Variants in PHF21A observed in about 807,000 individuals in gnomAD.
PHF21A encodes PHD finger protein 21A.
Under a neutral mutation model 82.5 loss-of-function variants are expected in PHF21A, and 11 were observed. The observed-to-expected ratio is 0.13, with a 90% CI of 0.08 to 0.22. The LOEUF (loss-of-function observed/expected upper bound fraction) is 0.22, where lower values mean the gene tolerates loss of function less well. PHF21A is among the 10% of genes least tolerant of loss of function. The pLI is 1.00. For synonymous variants in PHF21A, 297 were observed against 302.8 expected, an observed-to-expected ratio of 0.98 and a Z score of 0.20; for missense variants, 579 against 837.8, an observed-to-expected ratio of 0.69 and a Z score of 3.81.
At chr11:46,031,571 C>T (rs947108295) in intron 6 of PHF21A, among the ~76,000 whole-genome samples, 3 of 152,138 alleles carry the variant, frequency 2.0e-5, no homozygotes, top group Non-Finnish European at 2.9e-5. Flanking sequence ...CGAATTCATT[C>T]TTTTTCTTAA....
chr11:46,073,476 G>A (rs1172936904), intron 6 of PHF21A, among the ~76,000 whole-genome samples: 1 of 151,988 alleles, frequency 6.6e-6, no homozygotes, highest in East Asian at 1.9e-4. Flanking sequence ...CTTATTTCTT[G>A]TCTATTTCTG....
At chr11:46,053,904 C>T (rs1368556928) in intron 6 of PHF21A, among the ~76,000 whole-genome samples, 3 of 152,158 alleles carry the variant, frequency 2.0e-5, no homozygotes, top group Non-Finnish European at 4.4e-5. Flanking sequence ...ATTACAACCC[C>T]TCCAATGAGA....
At chr11:46,022,410 C>A (rs564825395) in intron 6 of PHF21A, among the ~76,000 whole-genome samples, 4 of 152,226 alleles carry the variant, frequency 2.6e-5, no homozygotes, top group African/African-American at 9.6e-5. Context: ...AGCTGTGATC[C>A]CATCACTGCA....
intron 6 of PHF21A, among the ~76,000 whole-genome samples, chr11:46,070,050 T>C (rs1430173396): frequency 6.6e-6 from 1 of 152,174 alleles, no homozygotes; most frequent in Non-Finnish European, 1.5e-5. Context: ...AACAAGTCTA[T>C]TACAGAGTCA....
At chr11:45,949,133 C>G (rs2091749717) in intron 13 of PHF21A, among the ~76,000 whole-genome samples, 187 bp from the exon 14 acceptor site, 1 of 152,164 alleles carries the variant, frequency 6.6e-6, no homozygotes, top group African/African-American at 2.4e-5. Context: ...CTCAGAGAAG[C>G]CTGCCTCTGT....
At chr11:46,095,529 T>C (rs905462633) in intron 1 of PHF21A, among the ~76,000 whole-genome samples, 2 of 152,182 alleles carry the variant, frequency 1.3e-5, no homozygotes, top group African/African-American at 4.8e-5. Flanking sequence ...GCTAATATAA[T>C]GTCATACAAT....
At chr11:45,984,772 T>C (rs1354959759) in intron 6 of PHF21A, among the ~76,000 whole-genome samples, 1 of 152,198 alleles carries the variant, frequency 6.6e-6, no homozygotes, top group Admixed American at 6.5e-5. Flanking sequence ...CAACTGGATG[T>C]CAGTGCTGCA....
At chr11:46,066,091 TA>T (rs1228125400) in intron 6 of PHF21A, among the ~76,000 whole-genome samples, 1 of 152,202 alleles carries the variant, frequency 6.6e-6, no homozygotes, top group Non-Finnish European at 1.5e-5. Flanking sequence ...TATAGTCTCA[TA>T]AACATGTTGA....
chr11:46,033,538 A>G (rs1363115813), intron 6 of PHF21A, among the ~76,000 whole-genome samples: 1 of 152,208 alleles, frequency 6.6e-6, no homozygotes, highest in Non-Finnish European at 1.5e-5. Context: ...TGTTGGGATT[A>G]CAGGTGTGAG....
intron 17 of PHF21A, among the ~76,000 whole-genome samples, chr11:45,936,224 G>A (rs1025642173): frequency 1.3e-5 from 2 of 152,144 alleles, no homozygotes; most frequent in Non-Finnish European, 2.9e-5. Context: ...GCTGCAGTGG[G>A]CTGTGATCAT....
chr11:45,977,191 G>A (rs967186395), intron 7 of PHF21A, among the ~76,000 whole-genome samples: 4 of 148,962 alleles, frequency 2.7e-5, no homozygotes, highest in African/African-American at 1.0e-4. Context: ...CCAGCATGGA[G>A]TGCAGTACGA....
intron 10 of PHF21A, among the ~76,000 whole-genome samples, chr11:45,961,592 T>C (rs898444450): frequency 2.0e-5 from 3 of 152,298 alleles, no homozygotes; most frequent in African/African-American, 7.2e-5. Context: ...GCAATTTTTT[T>C]CCCCACAGAA....
intron 8 of PHF21A, 187 bp from the exon 9 acceptor site, chr11:45,970,091 A>G (rs1019927716): frequency 4.3e-5 from 24 of 557,554 alleles, no homozygotes; most frequent in South Asian, 2.5e-4. Context: ...GCTTTACCCT[A>G]TAAAATGAAC....
chr11:46,033,149 C>A (rs1206992029), intron 6 of PHF21A, among the ~76,000 whole-genome samples: 1 of 152,128 alleles, frequency 6.6e-6, no homozygotes, highest in African/African-American at 2.4e-5. Flanking sequence ...GATACATATA[C>A]CTGCAGTTCA....
intron 10 of PHF21A, among the ~76,000 whole-genome samples, chr11:45,960,508 A>G (rs2093007641): frequency 6.6e-6 from 1 of 152,232 alleles, no homozygotes; most frequent in Non-Finnish European, 1.5e-5. Flanking sequence ...GGAGACAGAA[A>G]GCAGACTGGT....
intron 15 of PHF21A, among the ~76,000 whole-genome samples, chr11:45,944,786 G>A (rs1341675771): frequency 6.6e-6 from 1 of 152,194 alleles, no homozygotes; most frequent in Non-Finnish European, 1.5e-5. Flanking sequence ...TCTTTTTAGA[G>A]ATGGAGTCTC....
At chr11:45,983,908 C>G (rs976296206) in intron 6 of PHF21A, among the ~76,000 whole-genome samples, 2 of 152,176 alleles carry the variant, frequency 1.3e-5, no homozygotes, top group African/African-American at 4.8e-5. Context: ...CTCATCTCCA[C>G]AGGAGATGAG....
intron 6 of PHF21A, among the ~76,000 whole-genome samples, chr11:46,013,747 T>C (rs2095458860): frequency 6.6e-6 from 1 of 152,168 alleles, no homozygotes; most frequent in Non-Finnish European, 1.5e-5. Flanking sequence ...TAGGAGCAGG[T>C]TACTGTACTG....
In PHF21A at chr11:45,965,507, G is replaced by T. The variant is rs894774846; in HGVS notation, c.804C>A (p.Thr268=). 2 of 1,612,760 alleles carry T rather than the reference G, an allele frequency of 1.2e-6. No individual in the cohort carries two copies. Among genetic ancestry groups the T allele is most frequent in the African/African-American group, 1.3e-5 (1 of 75,024 alleles). The change falls in exon 10 of 19, where the codon ACC becomes ACA. Residue 268 remains threonine, a synonymous_variant. Transcript: ENST00000676320. ...PQLIQRPVML[T]KFTPTTLPTS... is the part of the protein sequence containing the mutation. ...TGGGAAGGGTTGTGGGGGTGAACTT[G>T]GTCAGCATGACGGGCCTCTGGATAA...
Sources: gnomAD v4.1 joint callset for allele counts (sites outside exome capture counted in the v4.1 genomes callset) on GRCh38, gnomAD v4.1.1 for gene constraint, MANE v1.5 for transcripts, NCBI Gene and HGNC (gene_info 2026-07-23, HGNC 2026-07-21) for gene names.